MED14: variants seen among roughly 807,000 people sequenced by gnomAD.
MED14 encodes mediator complex subunit 14.
MED14 carries 8 observed loss-of-function variants against 109.0 expected under a neutral mutation model. The ratio of observed to expected loss-of-function variants is 0.07; its 90% confidence interval spans 0.04 to 0.13. MED14 has a LOEUF of 0.13. Ranked by LOEUF, MED14 falls within the 10% of genes least tolerant of loss-of-function variation. The pLI, the probability that MED14 is intolerant of heterozygous loss-of-function variation, is 1.00. For synonymous variants in MED14, 399 were observed against 408.7 expected (o/e 0.98, Z 0.29); for missense variants, 711 against 1,142.4 (o/e 0.62, Z 5.44).
chrX:40,671,336 C>T (rs1929723471), intron 23 of MED14, among the ~76,000 whole-genome samples: 1 of 112,043 alleles, frequency 8.9e-6, no homozygotes, highest in South Asian at 3.7e-4. Context: ...CGGTGCACTT[C>T]ATAGGGCTGC....
Position 40,683,009 on chromosome X carries a change from G to T in MED14, c.2058-13C>A, listed in dbSNP as rs779264528. The T allele has an allele frequency of 5.1e-6, 6 of 1,185,348 alleles. No individual in the cohort carries two copies. Among genetic ancestry groups the T allele is most frequent in the Non-Finnish European group, 6.8e-6 (6 of 877,002 alleles). On this transcript the variant is annotated splice_polypyrimidine_tract_variant and intron_variant, in intron 16 of 30. Coordinates refer to ENST00000324817, the MANE Select transcript of MED14 (RefSeq NM_004229.4). ...ACAGGGAGGAATTCTGGTGATAAAA[G>T]ACAGCATATGAAGTATACTTTACAC...
intron 13 of MED14, among the ~76,000 whole-genome samples, chrX:40,696,497 A>G (rs1006641509): frequency 1.8e-5 from 2 of 110,856 alleles, no homozygotes; most frequent in East Asian, 5.6e-4. Flanking sequence ...AAATTATTGC[A>G]AATTTTAACT....
chrX:40,680,629 G>A, intron 20 of MED14, 129 bp downstream of exon 20: 1 of 536,266 alleles, frequency 1.9e-6, no homozygotes. Context: ...CATTGCCCAA[G>A]CTGGTCTTGA....
rs778173086 is a variant in MED14 at position 40,682,740 on chromosome X, C to T, written c.2228G>A (p.Arg743Gln). 11 of 1,206,925 alleles carry T rather than the reference C, an allele frequency of 9.1e-6. No homozygotes were observed. The highest frequency in any genetic ancestry group is 3.5e-5 in the South Asian group (2 of 56,555). Residue 743 changes from arginine to glutamine, a missense_variant, in exon 18 of 31, where the codon CGG (arginine) becomes CAG (glutamine). This residue lies in a region of MED14 where 388 missense variants were observed against 517.3 expected (regional missense o/e 0.75). Transcript: ENST00000324817. ...GTSTREQGPS[R>Q]HVYLTYENLL... Reference sequence around the variant, plus strand: ...ATTTTCATATGTCAGGTAAACGTGCCGGGATGGTCCTACAGGATTAAAAGA... The same window carrying T: ...ATTTTCATATGTCAGGTAAACGTGCTGGGATGGTCCTACAGGATTAAAAGA...
rs745723256 is a variant in MED14 at position 40,692,870 on chromosome X, G to A, written c.1683C>T (p.Pro561=). Residue 561 remains proline (P), a synonymous_variant, in exon 14 of 31, where the codon CCC becomes CCT. Transcript: ENST00000324817. ...VVEMLEVPNK[P]TQLSYKYYFM... The stretch of plus-strand genomic sequence containing the variant: ...AGTAGTACTTGTACGACAGTTGTGT[G>A]GGTTTATTGGGAACCTCCAACATCT... 1.7e-6 allele frequency: 2 copies of A among 1,176,638 alleles called. No homozygotes were observed. Among genetic ancestry groups the A allele is most frequent in the African/African-American group, 3.6e-5 (2 of 55,523 alleles).
At chrX:40,709,845 A>G in intron 9 of MED14, 134 bp downstream of exon 9, 1 of 396,610 alleles carries the variant, frequency 2.5e-6, no homozygotes, top group South Asian at 6.2e-5. Context: ...GAAGTGTAAC[A>G]TTTACTTAAA....
chrX:40,705,585 A>T (rs1189819589), intron 10 of MED14, among the ~76,000 whole-genome samples: 1 of 112,380 alleles, frequency 8.9e-6, no homozygotes, highest in Admixed American at 9.4e-5. Flanking sequence ...AAAGAAAATA[A>T]AGAAGAGGGA....
intron 3 of MED14, among the ~76,000 whole-genome samples, chrX:40,715,266 A>G (rs1931471356): frequency 8.9e-6 from 1 of 111,755 alleles, no homozygotes; most frequent in Admixed American, 9.5e-5. Flanking sequence ...AAATCCACAC[A>G]TAGCCAACTC....
rs774825984 is a variant in MED14 at position 40,732,923 on chromosome X, A to G, written c.215+2275T>C. Among the ~76,000 whole-genome samples, 13 of 111,122 alleles carry G rather than the reference A, an allele frequency of 1.2e-4. 1 individual carries two copies. The highest frequency in any genetic ancestry group is 8.4e-4 in the East Asian group (3 of 3,568). ...GGAGAAAAAAAAAAGGTTAAGGAAC[A>G]GAGAAGGCACATCATGTAAGGCCTT... On this transcript the variant is annotated intron_variant, in intron 1 of 30. Transcript: ENST00000324817.
chrX:40,694,585 C>T (rs1027657168), intron 13 of MED14, among the ~76,000 whole-genome samples: 17 of 111,384 alleles, frequency 1.5e-4, no homozygotes, highest in Non-Finnish European at 2.8e-4. Context: ...ACAGGATGAG[C>T]ACACGAAAAT....
intron 1 of MED14, among the ~76,000 whole-genome samples, chrX:40,733,203 A>C (rs753834166): frequency 9.2e-6 from 1 of 108,371 alleles, no homozygotes; most frequent in East Asian, 2.9e-4. Context: ...TCCTGGGCTC[A>C]AGCGAACCTC....
At chrX:40,673,295 AAAAC>A (rs1157468336) in intron 22 of MED14, among the ~76,000 whole-genome samples, 9 of 112,455 alleles carry the variant, frequency 8.0e-5, no homozygotes, top group Admixed American at 3.8e-4. Context: ...TTTTAACTTA[AAAAC>A]AAACAAACAA....
chrX:40,683,487 T>C (rs1011339153), intron 16 of MED14, among the ~76,000 whole-genome samples: 7 of 112,348 alleles, frequency 6.2e-5, no homozygotes, highest in South Asian at 3.7e-4. Context: ...TTATGTGTCA[T>C]TGACGAAGAA....
chrX:40,733,763 G>A (rs1932159324), intron 1 of MED14, among the ~76,000 whole-genome samples: 1 of 112,141 alleles, frequency 8.9e-6, no homozygotes, highest in Non-Finnish European at 1.9e-5. Flanking sequence ...TTCTGCAGGA[G>A]GGAGGACAGT....
chrX:40,670,981 A>C (rs1929710461), intron 23 of MED14, among the ~76,000 whole-genome samples: 1 of 112,030 alleles, frequency 8.9e-6, no homozygotes, highest in Admixed American at 9.4e-5. Context: ...TGATATATTT[A>C]CACTAGATAA....
Position 40,651,011 on chromosome X carries a change from C to A in MED14, c.*795G>T. ...TGATCAATACGAACCACATACTGTC[C>A]CTTCTCAAAGACTAAGTTCCTTATT... On this transcript the variant is annotated 3_prime_UTR_variant, in exon 31 of 31. Coordinates refer to ENST00000324817, the MANE Select transcript of MED14 (RefSeq NM_004229.4). 1 of 752,490 alleles carries A rather than the reference C, an allele frequency of 1.3e-6. No homozygotes were observed. The highest frequency in any genetic ancestry group is 1.6e-6 in the Non-Finnish European group (1 of 637,790). 62.0% of individuals were successfully genotyped at this position (752,490 alleles called of 1,213,427 possible).
chrX:40,649,595 A>G lies in MED14; in HGVS notation c.*2211T>C. The G allele has an allele frequency of 1.1e-6, 1 of 938,311 alleles. No individual in the cohort carries two copies. Among genetic ancestry groups the G allele is most frequent in the African/African-American group, 2.1e-5 (1 of 47,527 alleles). The allele number at this position is 938,311 out of a possible 1,213,427, so 77.3% of individuals were successfully genotyped here. A position where few individuals can be genotyped will look rare whatever the true frequency, so the allele number is the denominator to read the frequency against. ...TTATTACTGTAAATACTAAAATCAC[A>G]TTGAAAACACCTTAAAGTTAAGTCC... On this transcript the variant is annotated 3_prime_UTR_variant, in exon 31 of 31. Transcript: ENST00000324817.
chrX:40,685,468 G>T (rs960980175), intron 16 of MED14, among the ~76,000 whole-genome samples: 4 of 112,690 alleles, frequency 3.5e-5, no homozygotes, highest in Non-Finnish European at 7.5e-5. Context: ...TGCAAAAAAA[G>T]AGCTGTGCCT....
chrX:40,721,197 T>C (rs1213554002), intron 3 of MED14, among the ~76,000 whole-genome samples: 2 of 110,213 alleles, frequency 1.8e-5, no homozygotes, highest in Admixed American at 1.9e-4. Flanking sequence ...GCTCTTGGGG[T>C]CCCCAAGTCC....
Sources: gnomAD v4.1 joint callset for allele counts (sites outside exome capture counted in the v4.1 genomes callset) on GRCh38, gnomAD v4.1.1 for gene constraint, gnomAD v4.1.1 regional missense constraint, MANE v1.5 for transcripts, NCBI Gene and HGNC (gene_info 2026-07-23, HGNC 2026-07-21) for gene names.